PEMT: variants seen among roughly 807,000 people sequenced by gnomAD.
PEMT encodes phosphatidylethanolamine N-methyltransferase, also known as phospholipid methyltransferase.
PEMT carries 23 observed loss-of-function variants against 27.4 expected under a neutral mutation model. The observed-to-expected ratio is 0.84, with a 90% confidence interval of 0.60 to 1.19. The LOEUF (loss-of-function observed/expected upper bound fraction) is 1.19, where lower values mean the gene tolerates loss of function less well. Among genes scored for constraint, PEMT ranks in the 50% most tolerant of loss-of-function variants. PEMT has a pLI of 0.00. For synonymous variants in PEMT, 137 were observed against 139.1 expected, an observed-to-expected ratio of 0.98 and a Z score of 0.11; for missense variants, 307 against 310.1, an observed-to-expected ratio of 0.99 and a Z score of 0.07.
At chr17:17,506,646 T>A (rs1905878662) in intron 5 of PEMT, among the ~76,000 whole-genome samples, 1 of 152,142 alleles carries the variant, frequency 6.6e-6, no homozygotes, top group Non-Finnish European at 1.5e-5. Flanking sequence ...TGGCTAGGGC[T>A]GTTCATTCCC....
chr17:17,590,859 C>T (rs1019471752), intron 1 of PEMT, among the ~76,000 whole-genome samples: 5 of 152,202 alleles, frequency 3.3e-5, no homozygotes, highest in African/African-American at 1.2e-4. Flanking sequence ...CCAGGACAGG[C>T]ACTCTCTGGC....
At chr17:17,565,994 C>T (rs1291551477) in intron 2 of PEMT, among the ~76,000 whole-genome samples, 1 of 152,224 alleles carries the variant, frequency 6.6e-6, no homozygotes, top group African/African-American at 2.4e-5. Flanking sequence ...CTCCTGAAGG[C>T]CTTGTTGCAC....
intron 6 of PEMT, 72 bp downstream of exon 6, chr17:17,506,155 A>G (rs1325734767): frequency 1.6e-5 from 20 of 1,286,264 alleles, no homozygotes; most frequent in Admixed American, 2.2e-5. Context: ...CCTGGCCACA[A>G]GGAAAGGTTC....
At chr17:17,511,239 GCACCTGCCCC>G (rs1906366938) in intron 4 of PEMT, among the ~76,000 whole-genome samples, 1 of 151,866 alleles carries the variant, frequency 6.6e-6, no homozygotes, top group Admixed American at 6.6e-5. Flanking sequence ...CTACCTGCCC[GCACCTGCCCC>G]CACCTGGCAG....
chr17:17,506,979 G>T, intron 5 of PEMT: 1 of 623,178 alleles, frequency 1.6e-6, no homozygotes, highest in Non-Finnish European at 2.9e-6. Context: ...CCCAGGCAGA[G>T]CATACAGCAG....
At chr17:17,575,037 C>G (rs1911484857) in intron 2 of PEMT, among the ~76,000 whole-genome samples, 1 of 152,348 alleles carries the variant, frequency 6.6e-6, no homozygotes, top group African/African-American at 2.4e-5. Flanking sequence ...TAACAAATGA[C>G]TGCCAACTTA....
intron 2 of PEMT, among the ~76,000 whole-genome samples, chr17:17,576,595 C>A (rs1460762733): frequency 3.3e-5 from 5 of 152,216 alleles, no homozygotes; most frequent in African/African-American, 1.2e-4. Flanking sequence ...CATGAGAAGG[C>A]CACCAGACTG....
At chr17:17,577,330 C>T (rs1231107076) in intron 1 of PEMT, 2 of 491,740 alleles carry the variant, frequency 4.1e-6, no homozygotes, top group East Asian at 5.7e-5. Flanking sequence ...CTGGTGTGAC[C>T]GAGACCCTCC....
chr17:17,562,922 C>T (rs959148344), intron 2 of PEMT, among the ~76,000 whole-genome samples: 3 of 152,052 alleles, frequency 2.0e-5, no homozygotes, highest in Admixed American at 6.5e-5. Context: ...GCATGTCCCA[C>T]GTCCCCACCC....
intron 2 of PEMT, among the ~76,000 whole-genome samples, chr17:17,563,667 G>A (rs897950663): frequency 1.3e-5 from 2 of 152,228 alleles, no homozygotes; most frequent in African/African-American, 4.8e-5. Flanking sequence ...AAAGCGACAG[G>A]TGTACTGGGA....
chr17:17,587,920 TAAAG>T (rs1597972548), intron 1 of PEMT, among the ~76,000 whole-genome samples: 3 of 151,776 alleles, frequency 2.0e-5, no homozygotes, highest in African/African-American at 7.3e-5. Flanking sequence ...TGAAACCAGA[TAAAG>T]AAAGAAGATC....
rs1208674222 is a variant in PEMT at position 17,591,524 on chromosome 17, T to C, written c.96+7A>G. ...CAGTTTCCGCGGCGGTCCGGTGCGG[T>C]CAGTACCTGTCTAAAATCAATATTG... On this transcript the variant is annotated splice_region_variant and intron_variant, in intron 1 of 6. Transcript: ENST00000255389. 6.2e-7 allele frequency: 1 copy of C among 1,607,968 alleles called. No homozygotes were observed. The highest frequency in any genetic ancestry group is 1.3e-5 in the African/African-American group (1 of 74,760).
At chr17:17,569,209 C>A (rs752867900) in intron 2 of PEMT, among the ~76,000 whole-genome samples, 1 of 152,236 alleles carries the variant, frequency 6.6e-6, no homozygotes, top group Non-Finnish European at 1.5e-5. Context: ...TATAGGTATC[C>A]TCTGCAGGGC....
At chr17:17,511,326 G>T (rs1906379075) in intron 4 of PEMT, among the ~76,000 whole-genome samples, 1 of 152,220 alleles carries the variant, frequency 6.6e-6, no homozygotes, top group African/African-American at 2.4e-5. Context: ...GCCTGAGCAG[G>T]AAGCACTGAA....
chr17:17,567,702 G>A (rs1020763641), intron 2 of PEMT, among the ~76,000 whole-genome samples: 3 of 152,264 alleles, frequency 2.0e-5, no homozygotes, highest in African/African-American at 7.2e-5. Flanking sequence ...AGCTAGGAGG[G>A]CCACAGTATC....
At position 17,522,350 on chromosome 17, in the gene PEMT, C is replaced by T. The variant is rs775345366; in HGVS notation, c.250G>A (p.Gly84Arg). 1.5e-5 allele frequency: 24 copies of T among 1,613,698 alleles called. No homozygotes were observed. The East Asian group carries it at 3.6e-4, about 24-fold the overall frequency. ...HKTRKLSRAF[G>R]SPYLACYSLS... ...GAGTAGCAGGCCAGGTAGGGGGATC[C>T]GAAGGCCCTGCTCAGCTTGCGGGTC... is the stretch of plus-strand genomic sequence containing the variant. Residue 84 changes from glycine to arginine, a missense_variant, in exon 3 of 7, where the codon GGA becomes AGA. Physicochemically the swap from Gly to Arg is moderately radical, Grantham distance 125. Coordinates refer to ENST00000255389, the MANE Select transcript of PEMT (RefSeq NM_148172.3).
chr17:17,586,217 A>AAAGAAAGG (rs1156956012), intron 1 of PEMT, among the ~76,000 whole-genome samples: 4 of 26,774 alleles, frequency 1.5e-4, no homozygotes, highest in Non-Finnish European at 2.9e-4. Context: ...AAAGAAAGAA[A>AAAGAAAGG]AAGAAAGAAA....
chr17:17,521,939 G>A (rs1242638164), intron 3 of PEMT, among the ~76,000 whole-genome samples: 1 of 152,256 alleles, frequency 6.6e-6, no homozygotes, highest in East Asian at 1.9e-4. Flanking sequence ...GAGGGCTCCC[G>A]AGCCAGCATC....
chr17:17,586,274 AAGAAAGAAAGAAAG>A (rs1567759410), intron 1 of PEMT, among the ~76,000 whole-genome samples: 17 of 115,462 alleles, frequency 1.5e-4, no homozygotes, highest in East Asian at 7.8e-4. Context: ...GAAAGAAAGA[AAGAAAGAAAGAAAG>A]AAAAAAAAAA....
Sources: allele counts gnomAD v4.1 joint callset (sites outside exome capture counted in the v4.1 genomes callset), GRCh38; gene constraint gnomAD v4.1.1; transcripts MANE v1.5; gene names NCBI Gene and HGNC (gene_info 2026-07-23, HGNC 2026-07-21).